WLS: variants seen among roughly 807,000 people sequenced by gnomAD.
The protein encoded by WLS is Wnt ligand secretion mediator.
In WLS, 23 loss-of-function variants were observed where a neutral mutation model predicts 62.8. The ratio of observed to expected loss-of-function variants is 0.37; its 90% confidence interval spans 0.26 to 0.52. WLS has a LOEUF of 0.52. WLS is among the 20% of genes least tolerant of loss of function. The probability of loss-of-function intolerance (pLI) is 0.92; values close to 1 mark genes in which losing one functional copy is unlikely to be tolerated. For synonymous variants in WLS, 246 were observed against 244.1 expected (o/e 1.01, Z -0.07); for missense variants, 615 against 697.3 (o/e 0.88, Z 1.33).
intron 10 of WLS, among the ~76,000 whole-genome samples, chr1:68,143,425 G>A (rs1646713144): frequency 6.6e-6 from 1 of 152,214 alleles, no homozygotes. Context: ...TGTGCCAGGT[G>A]CTCTGCTAAC....
At chr1:68,227,089 A>T (rs1650179695) in intron 1 of WLS, among the ~76,000 whole-genome samples, 1 of 152,194 alleles carries the variant, frequency 6.6e-6, no homozygotes. Context: ...GTTGTACTGA[A>T]AGAACAATCA....
chr1:68,116,683 T>C (rs939625165), intron 11 of WLS, among the ~76,000 whole-genome samples: 1 of 152,246 alleles, frequency 6.6e-6, no homozygotes, highest in Non-Finnish European at 1.5e-5. Context: ...TTAAGCCTCA[T>C]GAAGGCAGGA....
Position 68,232,180 on chromosome 1 carries a change from CTCTCCG to C in WLS, c.106+8_106+13del. 2 of 1,613,788 alleles carry C rather than the reference CTCTCCG, an allele frequency of 1.2e-6. No homozygotes were observed. The highest frequency in any genetic ancestry group is 1.7e-6 in the Non-Finnish European group (2 of 1,179,916). On this transcript the variant is annotated splice_region_variant and intron_variant, in intron 1 of 11. Transcript: ENST00000262348. ...GACAGAAAGGGGGAAAAGTTTGCAG[CTCTCCG>C]CACTTACCAATCAAGCCTCCCACCA...
At chr1:68,187,790 A>G (rs1456572555) in intron 2 of WLS, among the ~76,000 whole-genome samples, 1 of 152,250 alleles carries the variant, frequency 6.6e-6, no homozygotes, top group Non-Finnish European at 1.5e-5. Flanking sequence ...GGCAAAAAAA[A>G]AAGTAGCTAA....
At chr1:68,156,330 A>G (rs1183117323) in intron 3 of WLS, among the ~76,000 whole-genome samples, 2 of 152,162 alleles carry the variant, frequency 1.3e-5, no homozygotes, top group African/African-American at 4.8e-5. Flanking sequence ...GACCTCCATA[A>G]TTTGTCATAA....
At chr1:68,204,509 G>A (rs1482522239) in intron 1 of WLS, among the ~76,000 whole-genome samples, 5 of 151,978 alleles carry the variant, frequency 3.3e-5, no homozygotes, top group Non-Finnish European at 7.4e-5. Flanking sequence ...GGGCTTCACC[G>A]TATTAGCCAG....
chr1:68,193,441 A>AAC (rs1648474910), intron 2 of WLS, among the ~76,000 whole-genome samples: 1 of 110,846 alleles, frequency 9.0e-6, no homozygotes, highest in South Asian at 2.9e-4. Context: ...AAAAAAAAAA[A>AAC]ACGAAAAAAA....
intron 2 of WLS, among the ~76,000 whole-genome samples, chr1:68,193,444 G>GAAAAAAAAAAAAAA (rs111934768): frequency 5.6e-5 from 2 of 35,642 alleles, no homozygotes; most frequent in African/African-American, 1.5e-4. Context: ...AAAAAAAAAC[G>GAAAAAAAAAAAAAA]AAAAAAAAAC....
At chr1:68,128,626 G>T (rs1357966980) in intron 11 of WLS, among the ~76,000 whole-genome samples, 1 of 152,184 alleles carries the variant, frequency 6.6e-6, no homozygotes, top group Non-Finnish European at 1.5e-5. Flanking sequence ...CCAATTAGCA[G>T]ATCTTAGAAT....
At chr1:68,205,222 C>T (rs1455377618) in intron 1 of WLS, among the ~76,000 whole-genome samples, 2 of 152,184 alleles carry the variant, frequency 1.3e-5, no homozygotes, top group Admixed American at 6.5e-5. Context: ...ATCAGAGACT[C>T]ACTTCCTACA....
At chr1:68,179,650 G>C (rs149186864) in intron 2 of WLS, among the ~76,000 whole-genome samples, 5 of 152,340 alleles carry the variant, frequency 3.3e-5, no homozygotes, top group African/African-American at 1.2e-4. Context: ...AGAAAATGCT[G>C]AGAAGCTGGA....
intron 1 of WLS, among the ~76,000 whole-genome samples, chr1:68,194,943 G>C (rs1216723831): frequency 1.3e-5 from 2 of 152,114 alleles, no homozygotes; most frequent in Non-Finnish European, 2.9e-5. Context: ...ATGGTTATAT[G>C]ATTATAATAT....
intron 1 of WLS, among the ~76,000 whole-genome samples, chr1:68,218,576 C>T (rs571062391): frequency 3.0e-4 from 45 of 152,336 alleles, no homozygotes; most frequent in Middle Eastern, 3.4e-3. Context: ...TTGCCAGGCA[C>T]TGCCGTTTTG....
At chr1:68,173,757 C>A (rs2100548026) in intron 2 of WLS, among the ~76,000 whole-genome samples, 1 of 152,290 alleles carries the variant, frequency 6.6e-6, no homozygotes, top group Admixed American at 6.5e-5. Flanking sequence ...GGCAGATGAA[C>A]CGCTACAGAG....
chr1:68,189,496 G>C (rs1342271727), intron 2 of WLS, among the ~76,000 whole-genome samples: 1 of 151,940 alleles, frequency 6.6e-6, no homozygotes, highest in African/African-American at 2.4e-5. Context: ...ATATGTATAG[G>C]AAGACACATC....
chr1:68,149,849 A>G (rs1646802549), intron 6 of WLS, among the ~76,000 whole-genome samples: 1 of 152,198 alleles, frequency 6.6e-6, no homozygotes, highest in East Asian at 1.9e-4. Flanking sequence ...GCAAGAAATA[A>G]TACTAATCAT....
At chr1:68,186,601 G>T in intron 2 of WLS, 1 of 456,040 alleles carries the variant, frequency 2.2e-6, no homozygotes, top group Non-Finnish European at 4.4e-6. Flanking sequence ...TGTGTAATAG[G>T]ATCTTGTTTG....
chr1:68,120,203 A>AG (rs1646346555), intron 11 of WLS, among the ~76,000 whole-genome samples: 1 of 152,126 alleles, frequency 6.6e-6, no homozygotes, highest in South Asian at 2.1e-4. Context: ...GGTGGGGTGA[A>AG]GGGGGTGGGT....
chr1:68,161,594 TCA>T (rs1370064299), intron 2 of WLS, among the ~76,000 whole-genome samples: 1 of 152,218 alleles, frequency 6.6e-6, no homozygotes, highest in Non-Finnish European at 1.5e-5. Flanking sequence ...GACGACATCT[TCA>T]GTTTTCTAGC....
Sources: allele counts gnomAD v4.1 joint callset (sites outside exome capture counted in the v4.1 genomes callset), GRCh38; gene constraint gnomAD v4.1.1; transcripts MANE v1.5; gene names NCBI Gene and HGNC (gene_info 2026-07-23, HGNC 2026-07-21).